Variants in MOSPD2 observed in about 807,000 individuals in gnomAD.
MOSPD2 encodes motile sperm domain containing 2.
MOSPD2 carries 5 observed loss-of-function variants against 41.7 expected under a neutral mutation model. The observed-to-expected ratio is 0.12, with a 90% CI of 0.06 to 0.25. The LOEUF (loss-of-function observed/expected upper bound fraction) is 0.25. Among genes scored for constraint, MOSPD2 ranks in the 10% least tolerant of loss-of-function variants. The pLI is 1.00. For synonymous variants in MOSPD2, 115 were observed against 126.9 expected (o/e 0.91, Z 0.63); for missense variants, 282 against 375.2 (o/e 0.75, Z 2.05).
At chrX:14,879,356 G>A (rs2092527339) in intron 2 of MOSPD2, among the ~76,000 whole-genome samples, 1 of 111,509 alleles carries the variant, frequency 9.0e-6, no homozygotes, top group Non-Finnish European at 1.9e-5. Context: ...GAGTTTGAGA[G>A]GTTAAAACTA....
chrX:14,888,762 G>GGTGT (rs746762577), intron 2 of MOSPD2, among the ~76,000 whole-genome samples: 40 of 105,991 alleles, frequency 3.8e-4, no homozygotes, highest in African/African-American at 1.1e-3. Context: ...ATGTCCTAGG[G>GGTGT]GTGTGTGTGT....
chrX:14,893,169 C>A, intron 3 of MOSPD2: 1 of 172,958 alleles, frequency 5.8e-6, no homozygotes, highest in Non-Finnish European at 1.1e-5. Context: ...AATAGCAAGA[C>A]AGTATCTTTG....
chrX:14,898,602 G>C (rs1203620945), intron 5 of MOSPD2, among the ~76,000 whole-genome samples: 2 of 111,657 alleles, frequency 1.8e-5, no homozygotes, highest in African/African-American at 6.5e-5. Flanking sequence ...AAATCAATTT[G>C]CCTAGATAAA....
intron 2 of MOSPD2, among the ~76,000 whole-genome samples, chrX:14,878,691 T>C (rs1183917351): frequency 3.6e-5 from 4 of 112,174 alleles, no homozygotes; most frequent in Non-Finnish European, 5.6e-5. Flanking sequence ...TTTGGTTTAC[T>C]ATTTTTTTTC....
intron 13 of MOSPD2, among the ~76,000 whole-genome samples, chrX:14,917,933 G>A (rs1016386335): frequency 4.5e-5 from 5 of 112,022 alleles, no homozygotes; most frequent in Admixed American, 9.4e-5. Flanking sequence ...CTGAAAGTGC[G>A]GGGAACCAAA....
In MOSPD2 at chrX:14,914,694, C is replaced by T. The variant is rs908024644; in HGVS notation, c.1089+95C>T. The T allele has an allele frequency of 2.9e-5, 15 of 513,282 alleles. No individual in the cohort carries two copies. The South Asian group carries it at 5.4e-4, about 18-fold the overall frequency. The allele number at this position is 513,282 out of a possible 1,213,427, so 42.3% of individuals were successfully genotyped here. A position where few individuals can be genotyped will look rare whatever the true frequency, so the allele number is the denominator to read the frequency against. On this transcript the variant is annotated intron_variant, in intron 11 of 14. Transcript: ENST00000380492. ...TAATTGAAAGATTGAAAATTTTGAACTTGTACAGTGTTTTTATTTATGACA... is the reference window on the plus strand; with the variant it reads ...TAATTGAAAGATTGAAAATTTTGAATTTGTACAGTGTTTTTATTTATGACA...
At chrX:14,900,001 G>T (rs1168859911) in intron 5 of MOSPD2, among the ~76,000 whole-genome samples, 1 of 111,473 alleles carries the variant, frequency 9.0e-6, no homozygotes, top group African/African-American at 3.3e-5. Flanking sequence ...CTAATTCTAG[G>T]TCTCTAAATA....
chrX:14,918,107 G>A lies in MOSPD2; in HGVS notation c.1317-573G>A, dbSNP rs182707064. Among the ~76,000 whole-genome samples the A allele has an allele frequency of 5.1e-3, 570 of 112,031 alleles. 6 individuals carry two copies. Among genetic ancestry groups the A allele is most frequent in the African/African-American group, 0.017 (533 of 30,888 alleles). ...TTTTGTTCAAAGACACTGGTTATGG[G>A]AATATTTTGAAAGGGTAAGAAACGC... On this transcript the variant is annotated intron_variant, in intron 13 of 14. Transcript: ENST00000380492.
chrX:14,878,775 C>T lies in MOSPD2; in HGVS notation c.79+5017C>T, dbSNP rs189628711. On this transcript the variant is annotated intron_variant, in intron 2 of 14. Transcript: ENST00000380492. ...CAGGTTTGTTACATATGTATACATGCGCCATGTTGGTGTGCCAACAGTTTA... is the reference window on the plus strand; with the variant it reads ...CAGGTTTGTTACATATGTATACATGTGCCATGTTGGTGTGCCAACAGTTTA... Among the ~76,000 whole-genome samples, 572 of 111,345 alleles carry T rather than the reference C, an allele frequency of 5.1e-3. 6 individuals are homozygous for T. Among genetic ancestry groups the T allele is most frequent in the African/African-American group, 0.017 (533 of 30,631 alleles).
chrX:14,919,749 T>C lies in MOSPD2; in HGVS notation c.1497T>C (p.Leu499=). The change falls in exon 15 of 15, where the codon CTT becomes CTC. Residue 499 remains leucine (L), a synonymous_variant. Coordinates refer to ENST00000380492, the MANE Select transcript of MOSPD2 (RefSeq NM_152581.4). ...QRCIWFQQLL[L]SLTMLLLAFV... Reference sequence around the variant, plus strand: ...GTATCTGGTTCCAGCAGCTGCTGCTTTCCTTAACAATGCTCTTGCTTGCTT... The same window carrying C: ...GTATCTGGTTCCAGCAGCTGCTGCTCTCCTTAACAATGCTCTTGCTTGCTT... 1 of 1,210,978 alleles carries C rather than the reference T, an allele frequency of 8.3e-7. No homozygotes were observed. The highest frequency in any genetic ancestry group is 1.1e-6 in the Non-Finnish European group (1 of 894,873).
At chrX:14,893,361 C>G (rs1023285178) in intron 3 of MOSPD2, 4 of 111,866 alleles carry the variant, frequency 3.6e-5, no homozygotes, top group African/African-American at 9.8e-5. Context: ...ACAGTCTTCT[C>G]TGTATATTGT....
At chrX:14,889,407 C>G (rs1346869052) in intron 2 of MOSPD2, among the ~76,000 whole-genome samples, 2 of 111,711 alleles carry the variant, frequency 1.8e-5, no homozygotes, top group African/African-American at 6.5e-5. Context: ...CCTTGTGCTT[C>G]CAGGCTATGT....
At chrX:14,880,266 T>C (rs2092528910) in intron 2 of MOSPD2, among the ~76,000 whole-genome samples, 1 of 111,401 alleles carries the variant, frequency 9.0e-6, no homozygotes, top group African/African-American at 3.3e-5. Flanking sequence ...TTTTTGTTGT[T>C]GTTATTTAAA....
intron 7 of MOSPD2, among the ~76,000 whole-genome samples, chrX:14,904,586 ACT>A (rs1338685000): frequency 1.8e-5 from 2 of 111,519 alleles, no homozygotes; most frequent in Non-Finnish European, 3.8e-5. Context: ...CTAGTGAAGG[ACT>A]CTGAGAACTC....
intron 2 of MOSPD2, among the ~76,000 whole-genome samples, chrX:14,878,626 A>G (rs1433118337): frequency 9.0e-6 from 1 of 111,648 alleles, no homozygotes; most frequent in South Asian, 3.7e-4. Flanking sequence ...GTGCGAAAGT[A>G]ATTGTGGTTT....
intron 2 of MOSPD2, among the ~76,000 whole-genome samples, chrX:14,877,914 C>T (rs1314150929): frequency 9.4e-6 from 1 of 106,682 alleles, no homozygotes; most frequent in Non-Finnish European, 1.9e-5. Flanking sequence ...GGAGGTGGAG[C>T]TTGCAGTGAG....
intron 3 of MOSPD2, among the ~76,000 whole-genome samples, chrX:14,894,651 C>T (rs2092559885): frequency 9.0e-6 from 1 of 110,611 alleles, no homozygotes; most frequent in African/African-American, 3.3e-5. Flanking sequence ...GAGAGGTTGT[C>T]TCACTGTGTT....
intron 7 of MOSPD2, among the ~76,000 whole-genome samples, chrX:14,904,514 C>G (rs1301881883): frequency 2.7e-5 from 3 of 111,579 alleles, no homozygotes; most frequent in Non-Finnish European, 5.6e-5. Flanking sequence ...AAGACCACCC[C>G]CATTTCTGAC....
At chrX:14,881,385 G>A (rs1438852601) in intron 2 of MOSPD2, among the ~76,000 whole-genome samples, 2 of 111,434 alleles carry the variant, frequency 1.8e-5, no homozygotes, top group Non-Finnish European at 3.8e-5. Context: ...AGGAAGATAA[G>A]CAGTAAATGG....
Sources: gnomAD v4.1 joint callset for allele counts (sites outside exome capture counted in the v4.1 genomes callset) on GRCh38, gnomAD v4.1.1 for gene constraint, MANE v1.5 for transcripts, NCBI Gene and HGNC (gene_info 2026-07-23, HGNC 2026-07-21) for gene names.